FGF14: variants seen among roughly 807,000 people sequenced by gnomAD.
The protein encoded by FGF14 is fibroblast growth factor homologous factor 4.
FGF14 carries 5 observed loss-of-function variants against 25.5 expected under a neutral mutation model. That is an observed-to-expected ratio of 0.20 (90% CI 0.10 to 0.41). FGF14 has a LOEUF of 0.41. Ranked by LOEUF, FGF14 falls within the 10% of genes least tolerant of loss-of-function variation. The probability of loss-of-function intolerance (pLI) is 1.00; values close to 1 mark genes in which losing one functional copy is unlikely to be tolerated. For missense variants in FGF14, 222 were observed against 320.1 expected (o/e 0.69, Z 2.34); for synonymous variants, 138 against 118.3 (o/e 1.17, Z -1.08).
chr13:101,916,710 G>A lies in FGF14; in HGVS notation c.-65C>T, dbSNP rs945444356. 6 of 1,385,688 alleles carry A rather than the reference G, an allele frequency of 4.3e-6. No homozygotes were observed. Among genetic ancestry groups the A allele is most frequent in the South Asian group, 1.5e-5 (1 of 67,290 alleles). The allele number at this position is 1,385,688 out of a possible 1,614,324, so 85.8% of individuals were successfully genotyped here. The stretch of plus-strand genomic sequence containing the variant: ...AGGACGGCGAGCCGGGGGCACCGGA[G>A]GGGAAGGCGGCGGCGCAGACCGTGG... On this transcript the variant is annotated 5_prime_UTR_variant, in exon 1 of 5. Transcript: ENST00000376143.
At chr13:101,863,851 A>G (rs2044555580) in intron 3 of FGF14, among the ~76,000 whole-genome samples, 1 of 152,124 alleles carries the variant, frequency 6.6e-6, no homozygotes, top group Admixed American at 6.6e-5. Flanking sequence ...TGGAAGCATG[A>G]GGTGGGTTGC....
chr13:102,104,822 A>T (rs1363100485), intron 1 of FGF14, among the ~76,000 whole-genome samples: 1 of 152,112 alleles, frequency 6.6e-6, no homozygotes, highest in African/African-American at 2.4e-5. Flanking sequence ...GGAGAAGAGG[A>T]GCTACCTGGT....
At chr13:102,368,869 A>G (rs1230443143) in intron 1 of FGF14, among the ~76,000 whole-genome samples, 1 of 152,222 alleles carries the variant, frequency 6.6e-6, no homozygotes, top group African/African-American at 2.4e-5. Flanking sequence ...CTCTAAATTT[A>G]ATAGCATATA....
chr13:102,092,038 T>G (rs2044188218), intron 1 of FGF14, among the ~76,000 whole-genome samples: 1 of 152,196 alleles, frequency 6.6e-6, no homozygotes, highest in African/African-American at 2.4e-5. Context: ...CAACAGCTAC[T>G]GGTACTGACT....
Position 102,327,792 on chromosome 13 carries a change from T to C in FGF14, c.208+73679A>G, listed in dbSNP as rs1035785021. On this transcript the variant is annotated intron_variant, in intron 1 of 4. Coordinates refer to the FGF14 transcript ENST00000376131. ...AGGTCGAGACTGCAGTGAGCCATGG[T>C]GGTGCCACTGCACCCCAATCTGACA... 2.6e-5 allele frequency among the ~76,000 whole-genome samples: 4 copies of C among 151,302 alleles called. 1 individual carries two copies.
intron 1 of FGF14, among the ~76,000 whole-genome samples, chr13:102,116,454 A>T (rs1437183661): frequency 6.6e-6 from 1 of 152,162 alleles, no homozygotes; most frequent in African/African-American, 2.4e-5. Flanking sequence ...AATCATATGT[A>T]TAACATATAC....
chr13:102,033,802 C>G (rs2041335031), intron 1 of FGF14, among the ~76,000 whole-genome samples: 1 of 152,102 alleles, frequency 6.6e-6, no homozygotes, highest in South Asian at 2.1e-4. Context: ...GCAAAACACT[C>G]TGAAACAATT....
chr13:101,765,550 G>A (rs548600868), intron 3 of FGF14, among the ~76,000 whole-genome samples: 1 of 152,040 alleles, frequency 6.6e-6, no homozygotes, highest in Non-Finnish European at 1.5e-5. Flanking sequence ...CTCAGAATTG[G>A]TTCGTTATAC....
At chr13:102,237,979 T>C (rs1489555875) in intron 1 of FGF14, among the ~76,000 whole-genome samples, 1 of 152,162 alleles carries the variant, frequency 6.6e-6, no homozygotes, top group Non-Finnish European at 1.5e-5. Context: ...AAGATCTACT[T>C]AAGTTTCAAT....
At chr13:102,175,337 C>T (rs563010891) in intron 1 of FGF14, among the ~76,000 whole-genome samples, 46 of 151,946 alleles carry the variant, frequency 3.0e-4, no homozygotes, top group Admixed American at 1.2e-3. Context: ...AAATAAACAA[C>T]GGAGAAAGAC....
chr13:102,120,831 G>C (rs1409012897), intron 1 of FGF14, among the ~76,000 whole-genome samples: 2 of 151,790 alleles, frequency 1.3e-5, no homozygotes, highest in Non-Finnish European at 2.9e-5. Flanking sequence ...AGCCTCCCAA[G>C]TAGCTGGGAT....
At chr13:102,130,112 A>G (rs1177497095) in intron 1 of FGF14, among the ~76,000 whole-genome samples, 7 of 152,198 alleles carry the variant, frequency 4.6e-5, no homozygotes, top group Non-Finnish European at 1.0e-4. Flanking sequence ...GGCTAATATT[A>G]TTACTATTGT....
chr13:102,396,668 C>T (rs1039595240), intron 1 of FGF14, among the ~76,000 whole-genome samples: 2 of 152,192 alleles, frequency 1.3e-5, no homozygotes, highest in African/African-American at 4.8e-5. Context: ...AACAAATTTT[C>T]TCAGTTATGG....
rs1290087242 is a variant in FGF14 at position 101,916,678 on chromosome 13, G to A, written c.-33C>T. 1 of 1,474,114 alleles carries A rather than the reference G, an allele frequency of 6.8e-7. No homozygotes were observed. The highest frequency in any genetic ancestry group is 9.0e-7 in the Non-Finnish European group (1 of 1,111,618). The allele number at this position is 1,474,114 out of a possible 1,614,324, so 91.3% of individuals were successfully genotyped here. ...CCGGGAACGGGTCCGGGGAGGGAGG[G>A]CGCGGGAGGACGGCGAGCCGGGGGC... On this transcript the variant is annotated 5_prime_UTR_variant, in exon 1 of 5. Coordinates refer to ENST00000376143, the MANE Select transcript of FGF14 (RefSeq NM_004115.4).
intron 3 of FGF14, among the ~76,000 whole-genome samples, chr13:101,747,644 T>A (rs187928169): frequency 7.3e-4 from 111 of 152,082 alleles, no homozygotes; most frequent in Admixed American, 1.6e-3. Flanking sequence ...AAAATCACAA[T>A]GAGATATCAT....
intron 1 of FGF14, among the ~76,000 whole-genome samples, chr13:102,331,815 G>A (rs1284235132): frequency 2.6e-5 from 4 of 152,188 alleles, no homozygotes; most frequent in African/African-American, 9.7e-5. Context: ...AATGAGAAAA[G>A]TGAGGCGATC....
chr13:101,901,304 C>T (rs1321367325), intron 1 of FGF14, among the ~76,000 whole-genome samples: 1 of 152,204 alleles, frequency 6.6e-6, no homozygotes, highest in Non-Finnish European at 1.5e-5. Context: ...CTCCCTCCCA[C>T]TTCCCAAGTA....
intron 1 of FGF14, among the ~76,000 whole-genome samples, chr13:102,017,320 A>C (rs1293316040): frequency 6.6e-6 from 1 of 152,184 alleles, no homozygotes; most frequent in Non-Finnish European, 1.5e-5. Flanking sequence ...CATAATCTCT[A>C]AATTCTTCAA....
At chr13:102,211,735 A>G (rs1468140433) in intron 1 of FGF14, among the ~76,000 whole-genome samples, 1 of 152,200 alleles carries the variant, frequency 6.6e-6, no homozygotes, top group African/African-American at 2.4e-5. Flanking sequence ...TTTAAACCCT[A>G]ACTCAAAAAG....
Sources: gnomAD v4.1 joint callset for allele counts (sites outside exome capture counted in the v4.1 genomes callset) on GRCh38, gnomAD v4.1.1 for gene constraint, MANE v1.5 for transcripts, NCBI Gene and HGNC (gene_info 2026-07-23, HGNC 2026-07-21) for gene names.